The following CAST variants were observed in gnomAD, a reference collection of about 807,000 sequenced individuals.
CAST encodes calpastatin, also known as MIR583 host.
In CAST, 76 loss-of-function variants were observed where a neutral mutation model predicts 119.6. The ratio of observed to expected loss-of-function variants is 0.64; its 90% CI spans 0.53 to 0.77. The LOEUF (loss-of-function observed/expected upper bound fraction) is 0.77. Ranked by LOEUF, CAST falls within the 30% of genes least tolerant of loss-of-function variation. The pLI is 0.00. For missense variants in CAST, 953 were observed against 946.5 expected (o/e 1.01, Z -0.09); for synonymous variants, 319 against 331.6 (o/e 0.96, Z 0.41).
At chr5:96,123,129 T>G in the CAST span, among the ~76,000 whole-genome samples, 1 of 152,170 alleles carries the variant, frequency 6.6e-6, no homozygotes, top group Non-Finnish European at 1.5e-5. Context: ...CAATGGTCTC[T>G]TTGATATGTT....
chr5:96,206,621 C>T, the CAST span, among the ~76,000 whole-genome samples: 136 of 151,954 alleles, frequency 9.0e-4, 1 homozygote, highest in African/African-American at 3.2e-3. Flanking sequence ...TGTAGGTGTG[C>T]GGCTTTATTC....
chr5:96,029,907 G>A, the CAST span, among the ~76,000 whole-genome samples: 23 of 152,002 alleles, frequency 1.5e-4, no homozygotes, highest in African/African-American at 3.9e-4. Context: ...TGCCTCAGCC[G>A]GGCTGTTTCT....
the CAST span, among the ~76,000 whole-genome samples, chr5:96,157,790 G>C: frequency 6.6e-6 from 1 of 152,114 alleles, no homozygotes; most frequent in African/African-American, 2.4e-5. Context: ...TAAAGAACTA[G>C]ATGTACAAAA....
the CAST span, among the ~76,000 whole-genome samples, chr5:96,074,230 T>A: frequency 6.6e-6 from 1 of 152,182 alleles, no homozygotes; most frequent in Non-Finnish European, 1.5e-5. Flanking sequence ...CAAGCCCATT[T>A]CTTTTGTAGG....
rs188075426 is a variant in CAST, at chr5:96,644,708, C to T, written c.61-30831C>T. 3.9e-5 allele frequency among the ~76,000 whole-genome samples: 6 copies of T among 152,346 alleles called. No individual in the cohort carries two copies. The East Asian group carries it at 1.2e-3, about 29-fold the overall frequency. On this transcript the variant is annotated intron_variant, in intron 1 of 11. Coordinates refer to the CAST transcript ENST00000505143. The stretch of plus-strand genomic sequence containing the variant: ...TGAAACTCCAAGCCAGGCGCCGTGG[C>T]TCACGCCTGTAATCTCAGCACTTTG...
chr5:96,303,329 G>C, the CAST span, among the ~76,000 whole-genome samples: 2 of 151,958 alleles, frequency 1.3e-5, no homozygotes, highest in Non-Finnish European at 2.9e-5. Flanking sequence ...ATGAAATTTC[G>C]ACAGGGACAC....
chr5:96,470,370 A>G, the CAST span, among the ~76,000 whole-genome samples: 2 of 152,058 alleles, frequency 1.3e-5, no homozygotes, highest in Non-Finnish European at 2.9e-5. Flanking sequence ...ATCATCATGC[A>G]CTATAGCAGT....
At chr5:96,158,720 G>A in the CAST span, among the ~76,000 whole-genome samples, 1 of 152,202 alleles carries the variant, frequency 6.6e-6, no homozygotes, top group Non-Finnish European at 1.5e-5. Context: ...TGTGCAGTAG[G>A]CATTGGCATC....
chr5:96,320,953 C>T, the CAST span, among the ~76,000 whole-genome samples: 1 of 152,240 alleles, frequency 6.6e-6, no homozygotes, highest in Admixed American at 6.5e-5. Context: ...GGTGAGTCGT[C>T]GCCATGATTC....
At chr5:96,715,783 T>C (rs1757088625) in intron 3 of CAST, among the ~76,000 whole-genome samples, 1 of 152,136 alleles carries the variant, frequency 6.6e-6, no homozygotes, top group Non-Finnish European at 1.5e-5. Context: ...GCCTGTAGCA[T>C]TGTATTGTAC....
chr5:96,750,654 A>G lies in CAST; in HGVS notation c.1496A>G (p.Gln499Arg). The change falls in exon 20 of 32, where the codon CAG becomes CGG. Residue 499 changes from glutamine (Q) to arginine (R), a missense_variant. Gln to Arg is a conservative substitution (Grantham distance 43). Coordinates refer to ENST00000675179, the MANE Select transcript of CAST (RefSeq NM_001750.7). The stretch of plus-strand genomic sequence containing the variant: ...TGTCGGACCTCCATGTGTAGTATAC[A>G]GTCAGCACCCCCTGAGCCGGCTACC... ...AVCRTSMCSI[Q>R]SAPPEPATLK... is the part of the protein sequence containing the mutation. 1 of 1,613,340 alleles carries G rather than the reference A, an allele frequency of 6.2e-7. No homozygotes were observed. The highest frequency in any genetic ancestry group is 1.1e-5 in the South Asian group (1 of 91,056).
At chr5:96,183,160 A>AAATGATAAT in the CAST span, among the ~76,000 whole-genome samples, 2 of 143,274 alleles carry the variant, frequency 1.4e-5, no homozygotes, top group African/African-American at 5.1e-5. Flanking sequence ...AAAATAAATA[A>AAATGATAAT]AATAATAATA....
the CAST span, among the ~76,000 whole-genome samples, chr5:96,377,017 T>C: frequency 6.6e-6 from 1 of 151,860 alleles, no homozygotes; most frequent in Non-Finnish European, 1.5e-5. Flanking sequence ...AATTAAAAAG[T>C]AAAACAAAAT....
the CAST span, among the ~76,000 whole-genome samples, chr5:95,977,837 G>A: frequency 1.3e-4 from 20 of 152,074 alleles, no homozygotes; most frequent in African/African-American, 4.3e-4. Context: ...AGTATCTGTC[G>A]TTCCCCTCTA....
the CAST span, chr5:96,408,349 A>G: frequency 1.4e-5 from 22 of 1,557,356 alleles, no homozygotes; most frequent in Non-Finnish European, 1.5e-5. Flanking sequence ...AAGGAGAGAA[A>G]GGCAGGGAGA....
chr5:96,569,313 C>T (rs1746530687), intron 1 of CAST, among the ~76,000 whole-genome samples: 1 of 152,160 alleles, frequency 6.6e-6, no homozygotes, highest in African/African-American at 2.4e-5. Flanking sequence ...GGGAAGCATT[C>T]ATGATGAAAA....
At chr5:96,499,709 G>A in the CAST span, among the ~76,000 whole-genome samples, 4 of 152,182 alleles carry the variant, frequency 2.6e-5, no homozygotes, top group South Asian at 8.3e-4. Flanking sequence ...TTTCAAAATT[G>A]GAGTCAATCC....
At chr5:96,129,661 C>T in the CAST span, among the ~76,000 whole-genome samples, 9 of 151,850 alleles carry the variant, frequency 5.9e-5, no homozygotes, top group Admixed American at 3.9e-4. Flanking sequence ...TACTATTTCC[C>T]GATCCATTTA....
At chr5:96,504,876 T>C in the CAST span, among the ~76,000 whole-genome samples, 6 of 152,282 alleles carry the variant, frequency 3.9e-5, no homozygotes, top group Non-Finnish European at 7.3e-5. Context: ...ACACAATATG[T>C]AGCCTTTGTG....
Sources: gnomAD v4.1 joint callset for allele counts (sites outside exome capture counted in the v4.1 genomes callset) on GRCh38, gnomAD v4.1.1 for gene constraint, MANE v1.5 for transcripts, NCBI Gene and HGNC (gene_info 2026-07-23, HGNC 2026-07-21) for gene names.